The following NXPE2 variants were observed in gnomAD, a reference collection of about 807,000 sequenced individuals.
The protein encoded by NXPE2 is neurexophilin and PC-esterase domain family member 2.
Under a neutral mutation model 34.4 loss-of-function variants are expected in NXPE2, and 34 were observed. The ratio of observed to expected loss-of-function variants is 0.99; its 90% CI spans 0.75 to 1.31. The LOEUF is 1.31. Among genes scored for constraint, NXPE2 ranks in the 40% most tolerant of loss-of-function variants. NXPE2 has a pLI of 0.00. For missense variants in NXPE2, 649 were observed against 672.5 expected (o/e 0.97, Z 0.39); for synonymous variants, 235 against 231.3 (o/e 1.02, Z -0.15).
the NXPE2 span, among the ~76,000 whole-genome samples, chr11:114,509,726 C>T: frequency 5.9e-5 from 9 of 151,994 alleles, no homozygotes; most frequent in African/African-American, 2.2e-4. Context: ...ATGACGAAGA[C>T]ACATGGACAC....
the NXPE2 span, among the ~76,000 whole-genome samples, chr11:114,489,839 G>T: frequency 2.0e-5 from 3 of 152,248 alleles, no homozygotes; most frequent in East Asian, 1.9e-4. Flanking sequence ...TTCAACATAG[G>T]GTTGGAAGTT....
chr11:114,679,052 A>G (rs1419664182), intron 1 of NXPE2, among the ~76,000 whole-genome samples: 1 of 151,918 alleles, frequency 6.6e-6, no homozygotes, highest in Non-Finnish European at 1.5e-5. Flanking sequence ...TAACACTGAA[A>G]TTCTAACCAC....
At chr11:114,634,212 A>T in the NXPE2 span, among the ~76,000 whole-genome samples, 4 of 151,854 alleles carry the variant, frequency 2.6e-5, no homozygotes, top group Admixed American at 2.6e-4. Context: ...TCTGATGGCC[A>T]GTGATGGTGA....
chr11:114,670,842 AT>A, the NXPE2 span, among the ~76,000 whole-genome samples: 1 of 151,778 alleles, frequency 6.6e-6, no homozygotes, highest in Admixed American at 6.6e-5. Flanking sequence ...ACAGGAGAGA[AT>A]GACTCACGAA....
the NXPE2 span, among the ~76,000 whole-genome samples, chr11:114,769,919 C>T: frequency 1.3e-5 from 2 of 152,128 alleles, no homozygotes; most frequent in Non-Finnish European, 2.9e-5. Flanking sequence ...ATGTAACAAA[C>T]CTGCACGTTC....
chr11:114,753,393 A>T, the NXPE2 span, among the ~76,000 whole-genome samples: 287 of 135,276 alleles, frequency 2.1e-3, 2 homozygotes, highest in African/African-American at 6.7e-3. Context: ...ACCCTGTCTT[A>T]GAAAAAAAAA....
chr11:114,796,187 T>C, the NXPE2 span, among the ~76,000 whole-genome samples: 2 of 152,182 alleles, frequency 1.3e-5, no homozygotes, highest in Non-Finnish European at 2.9e-5. Context: ...ATTTAAAAAA[T>C]TTATTTTAGA....
intron 2 of NXPE2, among the ~76,000 whole-genome samples, chr11:114,684,977 G>C (rs1158488971): frequency 6.6e-6 from 1 of 152,074 alleles, no homozygotes; most frequent in East Asian, 1.9e-4. Context: ...TAGTGATTAA[G>C]ACTAGGAGCC....
the NXPE2 span, among the ~76,000 whole-genome samples, chr11:114,640,113 ATTATG>A: frequency 2.4e-5 from 3 of 127,068 alleles, no homozygotes; most frequent in African/African-American, 6.2e-5. Flanking sequence ...TATATATTGT[ATTATG>A]TTATATGTAA....
At chr11:114,628,074 G>T in the NXPE2 span, among the ~76,000 whole-genome samples, 1 of 149,376 alleles carries the variant, frequency 6.7e-6, no homozygotes, top group South Asian at 2.2e-4. Context: ...AATAATGGGA[G>T]ACTTTAACAC....
chr11:114,626,450 C>A, the NXPE2 span, among the ~76,000 whole-genome samples: 5 of 151,922 alleles, frequency 3.3e-5, no homozygotes, highest in African/African-American at 1.2e-4. Flanking sequence ...CTCCAACAGA[C>A]CTGCAGCTGA....
the NXPE2 span, among the ~76,000 whole-genome samples, chr11:114,480,454 G>T: frequency 6.6e-6 from 1 of 152,114 alleles, no homozygotes; most frequent in Non-Finnish European, 1.5e-5. Flanking sequence ...CGTTAATCTG[G>T]TCCATGAGCA....
At chr11:114,620,857 T>A in the NXPE2 span, among the ~76,000 whole-genome samples, 1 of 152,088 alleles carries the variant, frequency 6.6e-6, no homozygotes, top group East Asian at 1.9e-4. Flanking sequence ...GGGTAACCAC[T>A]GTTACCCGAT....
At position 114,706,772 on chromosome 11, in the gene NXPE2, T is replaced by C. The variant is rs1321639834; in HGVS notation, c.1522T>C (p.Tyr508His). The change falls in exon 6 of 6, where the codon TAT (tyrosine) becomes CAT (histidine). Residue 508 changes from tyrosine to histidine, a missense_variant. Coordinates refer to ENST00000389586, the MANE Select transcript of NXPE2 (RefSeq NM_182495.6). Reference protein sequence around the residue: ...NAEMFSDFHGYIQNLIIRDIF... With the variant: ...NAEMFSDFHGHIQNLIIRDIF... ...AGAGATGTTCAGTGACTTTCATGGC[T>C]ATATTCAGAATCTTATCATAAGAGA... is the stretch of plus-strand genomic sequence containing the variant. 1 of 1,552,404 alleles carries C rather than the reference T, an allele frequency of 6.4e-7. No homozygotes were observed. Among genetic ancestry groups the C allele is most frequent in the East Asian group, 2.4e-5 (1 of 41,066 alleles).
At chr11:114,802,992 C>G in the NXPE2 span, among the ~76,000 whole-genome samples, 1 of 152,108 alleles carries the variant, frequency 6.6e-6, no homozygotes, top group Non-Finnish European at 1.5e-5. Flanking sequence ...CGTGGTGAAG[C>G]AGGGCCCGCA....
the NXPE2 span, chr11:114,530,995 G>A: frequency 2.2e-5 from 29 of 1,311,730 alleles, no homozygotes; most frequent in South Asian, 4.9e-4. Context: ...TGTTTACAGT[G>A]AATATTTGTA....
the NXPE2 span, among the ~76,000 whole-genome samples, chr11:114,506,001 A>G: frequency 6.6e-6 from 1 of 152,146 alleles, no homozygotes; most frequent in Non-Finnish European, 1.5e-5. Context: ...TGACACACAT[A>G]GGCTCAAAAT....
the NXPE2 span, among the ~76,000 whole-genome samples, chr11:114,747,989 G>A: frequency 2.6e-5 from 4 of 152,058 alleles, no homozygotes; most frequent in African/African-American, 9.7e-5. Context: ...GCCCTTGGTG[G>A]CCATCATTCT....
chr11:114,523,809 C>T, the NXPE2 span, among the ~76,000 whole-genome samples: 1 of 152,192 alleles, frequency 6.6e-6, no homozygotes, highest in Non-Finnish European at 1.5e-5. Flanking sequence ...TCTATGCTGC[C>T]ATCCCATCAC....
Sources: gnomAD v4.1 joint callset for allele counts (sites outside exome capture counted in the v4.1 genomes callset) on GRCh38, gnomAD v4.1.1 for gene constraint, MANE v1.5 for transcripts, NCBI Gene and HGNC (gene_info 2026-07-23, HGNC 2026-07-21) for gene names.